The following IL12RB2 variants were observed in gnomAD, a reference collection of about 807,000 sequenced individuals.
IL12RB2 encodes the protein interleukin 12 receptor subunit beta 2.
A neutral mutation model predicts 89.4 loss-of-function variants in IL12RB2; 82 were observed. That is an observed-to-expected ratio of 0.92 (90% CI 0.77 to 1.10). The LOEUF is 1.10. Ranked by LOEUF, IL12RB2 falls within the 50% of genes least tolerant of loss-of-function variation. The pLI is 0.00. For missense variants in IL12RB2, 963 were observed against 1,031.9 expected, an observed-to-expected ratio of 0.93 and a Z score of 0.92; for synonymous variants, 368 against 370.1, an observed-to-expected ratio of 0.99 and a Z score of 0.07.
At chr1:67,313,146 A>G (rs539430771) in intron 1 of IL12RB2, among the ~76,000 whole-genome samples, 2 of 152,228 alleles carry the variant, frequency 1.3e-5, no homozygotes, top group East Asian at 3.8e-4. Context: ...AGGAAATTTC[A>G]TGAAGAAGAG....
chr1:67,341,588 G>GAAAGAAAGAA (rs1558318474), intron 9 of IL12RB2, among the ~76,000 whole-genome samples: 39 of 140,294 alleles, frequency 2.8e-4, no homozygotes, highest in African/African-American at 8.2e-4. Context: ...AGAAAGAAAA[G>GAAAGAAAGAA]AAAGGAAGGA....
intron 5 of IL12RB2, 94 bp downstream of exon 5, chr1:67,326,943 T>TTTATTTATTTATTTATTTA (rs1553310358): frequency 1.5e-6 from 1 of 689,502 alleles, no homozygotes; most frequent in African/African-American, 2.2e-5. Flanking sequence ...TTTTATTTTA[T>TTTATTTATTTATTTATTTA]TTTATTTATT....
intron 16 of IL12RB2, 112 bp from the exon 17 acceptor site, chr1:67,395,435 G>T: frequency 6.2e-7 from 1 of 1,600,200 alleles, no homozygotes; most frequent in South Asian, 1.1e-5. Flanking sequence ...ACATGTTCCA[G>T]CCAGGGCTGA....
rs1053817844 is a variant in IL12RB2 at position 67,398,669 on chromosome 1, A to T, written c.*2580A>T. 6.6e-5 allele frequency among the ~76,000 whole-genome samples: 10 copies of T among 152,172 alleles called. No homozygotes were observed. The highest frequency in any genetic ancestry group is 6.5e-4 in the Admixed American group (10 of 15,272). Reference sequence around the variant, plus strand: ...TTGGCAGTGTTTCCCCAGCACCAGCATCATGCCTGGTCCATAGTAGCTACC... The same window carrying T: ...TTGGCAGTGTTTCCCCAGCACCAGCTTCATGCCTGGTCCATAGTAGCTACC... On this transcript the variant is annotated 3_prime_UTR_variant, in exon 17 of 17. Transcript: ENST00000674203.
intron 10 of IL12RB2, among the ~76,000 whole-genome samples, chr1:67,366,447 C>G (rs1662679659): frequency 1.1e-5 from 1 of 90,068 alleles, no homozygotes. Flanking sequence ...AGCAAGACTC[C>G]ATCTCAAAAA....
At chr1:67,327,146 A>G (rs1219556040) in intron 5 of IL12RB2, among the ~76,000 whole-genome samples, 1 of 151,710 alleles carries the variant, frequency 6.6e-6, no homozygotes, top group African/African-American at 2.4e-5. Flanking sequence ...TTTTTAGCAG[A>G]GACGGGGTTT....
At chr1:67,361,359 C>A (rs1349461145) in intron 10 of IL12RB2, among the ~76,000 whole-genome samples, 1 of 152,012 alleles carries the variant, frequency 6.6e-6, no homozygotes, top group Admixed American at 6.6e-5. Flanking sequence ...ATTATCAGAC[C>A]AGGAATTTAA....
chr1:67,396,453 T>C lies in IL12RB2; in HGVS notation c.*364T>C, dbSNP rs1201883857. On this transcript the variant is annotated 3_prime_UTR_variant, in exon 17 of 17. Transcript: ENST00000674203. ...ACAGTCTAGAGGACCATTCATGCAA[T>C]GACTATTTCTAAAGCACCTGCTACA... 2 of 375,286 alleles carry C rather than the reference T, an allele frequency of 5.3e-6. No homozygotes were observed. The highest frequency in any genetic ancestry group is 1.3e-4 in the East Asian group (2 of 15,980). The allele number at this position is 375,286 out of a possible 1,614,324, so 23.2% of individuals were successfully genotyped here.
At chr1:67,321,496 A>G (rs1656518652) in intron 3 of IL12RB2, 106 bp from the exon 4 acceptor site, 1 of 777,008 alleles carries the variant, frequency 1.3e-6, no homozygotes, top group Non-Finnish European at 2.3e-6. Context: ...TATTTGCATG[A>G]TCTGATGGAG....
At chr1:67,334,744 T>G (rs868666982) in intron 8 of IL12RB2, among the ~76,000 whole-genome samples, 3 of 152,224 alleles carry the variant, frequency 2.0e-5, no homozygotes, top group South Asian at 4.1e-4. Context: ...CTCCCAAAGT[T>G]CTGGGATTAC....
At chr1:67,381,059 T>C (rs881089) in intron 14 of IL12RB2, among the ~76,000 whole-genome samples, 71,019 of 152,016 alleles carry the variant, frequency 0.47, 18,773 homozygotes, top group Non-Finnish European at 0.58. Context: ...CAAAATTACA[T>C]GGTTATACCT....
intron 9 of IL12RB2, among the ~76,000 whole-genome samples, chr1:67,348,226 C>T (rs1483042882): frequency 1.3e-5 from 2 of 152,176 alleles, no homozygotes; most frequent in Non-Finnish European, 1.5e-5. Flanking sequence ...CTGATGAACT[C>T]ATGCTGCCTG....
chr1:67,366,452 CAAAA>C (rs11329710), intron 10 of IL12RB2, among the ~76,000 whole-genome samples: 1 of 53,402 alleles, frequency 1.9e-5, no homozygotes, highest in Non-Finnish European at 3.7e-5. Flanking sequence ...GACTCCATCT[CAAAA>C]AAAAAAAAAA....
Position 67,395,865 on chromosome 1 carries a change from C to G in IL12RB2, c.2365C>G (p.Leu789Val). 1 of 1,608,778 alleles carries G rather than the reference C, an allele frequency of 6.2e-7. No homozygotes were observed. Among genetic ancestry groups the G allele is most frequent in the Non-Finnish European group, 8.5e-7 (1 of 1,175,918 alleles). ...AAACCCAGCCTGTCCCTGGACGGTG[C>G]TCCCAGCAGGTGACCTTCCCACCCA... ...PENPACPWTV[L>V]PAGDLPTHDG... The change falls in exon 17 of 17, where the codon CTC becomes GTC. Residue 789 changes from leucine to valine, a missense_variant. By Grantham distance (32) the Leu-to-Val change is conservative (BLOSUM62 1). Coordinates refer to ENST00000674203, the MANE Select transcript of IL12RB2 (RefSeq NM_001374259.2).
intron 14 of IL12RB2, among the ~76,000 whole-genome samples, chr1:67,384,373 A>G (rs935618319): frequency 1.3e-5 from 2 of 152,234 alleles, no homozygotes; most frequent in African/African-American, 4.8e-5. Context: ...CCACAGCTGG[A>G]GTGGCTAGGA....
intron 13 of IL12RB2, among the ~76,000 whole-genome samples, chr1:67,378,025 C>T (rs12568451): frequency 0.47 from 71,073 of 151,702 alleles, 18,836 homozygotes; most frequent in Non-Finnish European, 0.58. Context: ...ACTCGGGAGG[C>T]CACGGTGGGA....
In IL12RB2 at chr1:67,329,688, C is replaced by T. The variant is rs771578695; in HGVS notation, c.766C>T (p.Arg256Ter). Residue 256 changes from arginine to a stop codon, truncating the protein, a stop_gained, in exon 7 of 17, where the codon CGA (arginine) becomes TGA (stop). Coordinates refer to ENST00000674203, the MANE Select transcript of IL12RB2 (RefSeq NM_001374259.2). LOFTEE classifies it high-confidence loss of function. ...AGATGAGGGACTGGTACTGCTTAAT[C>T]GACTCAGATATCGGCCCAGTAACAG... ...WRDEGLVLLN[R>*]LRYRPSNSRL... 14 of 1,604,092 alleles carry T rather than the reference C, an allele frequency of 8.7e-6. No homozygotes were observed. The highest frequency in any genetic ancestry group is 8.3e-5 in the Admixed American group (5 of 59,980).
In IL12RB2 at chr1:67,395,918, T is replaced by C; in HGVS notation, c.2418T>C (p.Asp806=). 6.2e-7 allele frequency: 1 copy of C among 1,611,566 alleles called. No homozygotes were observed. The highest frequency in any genetic ancestry group is 8.5e-7 in the Non-Finnish European group (1 of 1,177,666). Residue 806 remains aspartate (D), a synonymous_variant, in exon 17 of 17, where the codon GAT becomes GAC. Transcript: ENST00000674203. ...THDGYLPSNI[D]DLPSHEAPLA... ...ATGGCTACTTACCCTCCAACATAGA[T>C]GACCTCCCCTCACATGAGGCACCTC...
At chr1:67,356,043 G>T (rs1388145699) in intron 10 of IL12RB2, among the ~76,000 whole-genome samples, 1 of 152,180 alleles carries the variant, frequency 6.6e-6, no homozygotes, top group Admixed American at 6.5e-5. Flanking sequence ...CTTGCTGAAT[G>T]AGTAAATTTT....
Sources: allele counts gnomAD v4.1 joint callset (sites outside exome capture counted in the v4.1 genomes callset), GRCh38; gene constraint gnomAD v4.1.1; transcripts MANE v1.5; gene names NCBI Gene and HGNC (gene_info 2026-07-23, HGNC 2026-07-21).